NT5DC1: variants seen among roughly 807,000 people sequenced by gnomAD.
NT5DC1 encodes 5'-nucleotidase domain containing 1, also known as 5'-nucleotidase domain-containing protein 1.
Under a neutral mutation model 59.4 loss-of-function variants are expected in NT5DC1, and 42 were observed. The ratio of observed to expected loss-of-function variants is 0.71; its 90% CI spans 0.55 to 0.92. The LOEUF (loss-of-function observed/expected upper bound fraction) is 0.92. Ranked by LOEUF, NT5DC1 falls within the 40% of genes least tolerant of loss-of-function variation. The pLI, the probability that NT5DC1 is intolerant of heterozygous loss-of-function variation, is 0.00. For synonymous variants in NT5DC1, 172 were observed against 188.1 expected, an observed-to-expected ratio of 0.91 and a Z score of 0.70; for missense variants, 501 against 537.1, an observed-to-expected ratio of 0.93 and a Z score of 0.66.
intron 6 of NT5DC1, among the ~76,000 whole-genome samples, chr6:116,216,666 A>G (rs1471328818): frequency 6.6e-6 from 1 of 151,972 alleles, no homozygotes; most frequent in African/African-American, 2.4e-5. Context: ...AATATTAGAT[A>G]TAAACCATAT....
chr6:116,163,840 C>T (rs1285012391), intron 6 of NT5DC1, among the ~76,000 whole-genome samples: 5 of 152,082 alleles, frequency 3.3e-5, no homozygotes, highest in South Asian at 2.1e-4. Context: ...TTTTTTATTT[C>T]GGCCTCAATT....
intron 6 of NT5DC1, among the ~76,000 whole-genome samples, chr6:116,180,823 G>A (rs954226368): frequency 5.3e-5 from 8 of 152,020 alleles, no homozygotes; most frequent in South Asian, 2.1e-4. Flanking sequence ...TAGGTTAGAG[G>A]ACATTTAAGT....
intron 6 of NT5DC1, among the ~76,000 whole-genome samples, chr6:116,195,044 A>G (rs576983529): frequency 5.9e-5 from 9 of 152,172 alleles, no homozygotes; most frequent in Non-Finnish European, 1.3e-4. Context: ...CGCTCTCTCT[A>G]TATTCTGCTT....
At chr6:116,197,459 T>G (rs1168218018) in intron 6 of NT5DC1, among the ~76,000 whole-genome samples, 1 of 152,018 alleles carries the variant, frequency 6.6e-6, no homozygotes, top group Non-Finnish European at 1.5e-5. Context: ...CGGTCAAGAA[T>G]CAACATTCTT....
intron 6 of NT5DC1, among the ~76,000 whole-genome samples, chr6:116,202,514 G>A (rs943596325): frequency 6.6e-6 from 1 of 151,838 alleles, no homozygotes; most frequent in Non-Finnish European, 1.5e-5. Context: ...ATTGGCAATA[G>A]GTTTATTTCT....
At chr6:116,143,807 A>G (rs1475870573) in intron 6 of NT5DC1, among the ~76,000 whole-genome samples, 1 of 152,216 alleles carries the variant, frequency 6.6e-6, no homozygotes, top group African/African-American at 2.4e-5. Context: ...ATTATAATCA[A>G]ATCAAGAAAA....
intron 6 of NT5DC1, among the ~76,000 whole-genome samples, chr6:116,209,165 TC>T (rs1781522026): frequency 6.6e-6 from 1 of 152,038 alleles, no homozygotes; most frequent in African/African-American, 2.4e-5. Context: ...ATACTACATA[TC>T]AGGATTCAGC....
intron 6 of NT5DC1, among the ~76,000 whole-genome samples, chr6:116,184,455 A>T (rs145714688): frequency 6.6e-6 from 1 of 151,918 alleles, no homozygotes; most frequent in African/African-American, 2.4e-5. Flanking sequence ...AATAGTGTCA[A>T]TTGGATTGGT....
At chr6:116,206,948 T>C (rs1175989563) in intron 6 of NT5DC1, among the ~76,000 whole-genome samples, 2 of 152,004 alleles carry the variant, frequency 1.3e-5, no homozygotes, top group African/African-American at 4.8e-5. Context: ...TTTCTTCTTG[T>C]TTATTGAGTA....
chr6:116,224,561 G>A (rs1562172269), intron 8 of NT5DC1, among the ~76,000 whole-genome samples: 1 of 152,226 alleles, frequency 6.6e-6, no homozygotes, highest in Non-Finnish European at 1.5e-5. Flanking sequence ...CTTGCAAGGC[G>A]AGCCCTAAGG....
At chr6:116,163,141 A>ATATATATATATAT (rs1554197064) in intron 6 of NT5DC1, among the ~76,000 whole-genome samples, 1 of 88,398 alleles carries the variant, frequency 1.1e-5, no homozygotes, top group African/African-American at 5.8e-5. Context: ...AAAAAAAAAA[A>ATATATATATATAT]ATATATATAT....
intron 6 of NT5DC1, among the ~76,000 whole-genome samples, chr6:116,157,736 T>G (rs1780232147): frequency 1.3e-5 from 2 of 151,776 alleles, no homozygotes; most frequent in South Asian, 4.2e-4. Context: ...ATGGTGAGAG[T>G]GGGTGGAAAG....
At chr6:116,232,611 C>T (rs1455937029) in intron 8 of NT5DC1, among the ~76,000 whole-genome samples, 1 of 152,052 alleles carries the variant, frequency 6.6e-6, no homozygotes, top group Non-Finnish European at 1.5e-5. Flanking sequence ...GCAGCAGTCT[C>T]TGTGAGTTGA....
At chr6:116,150,883 C>T (rs1396323717) in intron 6 of NT5DC1, among the ~76,000 whole-genome samples, 2 of 151,968 alleles carry the variant, frequency 1.3e-5, no homozygotes, top group Non-Finnish European at 2.9e-5. Context: ...ATACATTGTT[C>T]ATATTTAACC....
chr6:116,222,196 T>G (rs1220109495), intron 7 of NT5DC1, among the ~76,000 whole-genome samples: 1 of 152,212 alleles, frequency 6.6e-6, no homozygotes, highest in African/African-American at 2.4e-5. Flanking sequence ...ATCTTTTGGG[T>G]GAATTAAGGC....
chr6:116,150,474 A>G (rs1582836521), intron 6 of NT5DC1, among the ~76,000 whole-genome samples: 1 of 152,022 alleles, frequency 6.6e-6, no homozygotes, highest in African/African-American at 2.4e-5. Flanking sequence ...TAATAGAGAC[A>G]GGGTTTTACC....
chr6:116,178,070 TGTGTGTGTGTGTGTGTGTGC>T (rs1022510107), intron 6 of NT5DC1, among the ~76,000 whole-genome samples: 15 of 110,640 alleles, frequency 1.4e-4, no homozygotes, highest in Non-Finnish European at 1.9e-4. Flanking sequence ...TGTGTGTGTG[TGTGTGTGTGTGTGTGTGTGC>T]GCGCGCGCGC....
At chr6:116,145,813 T>C (rs1779884654) in intron 6 of NT5DC1, among the ~76,000 whole-genome samples, 1 of 152,234 alleles carries the variant, frequency 6.6e-6, no homozygotes, top group Non-Finnish European at 1.5e-5. Flanking sequence ...TTAGCAGTAA[T>C]ATAGCTCAAA....
At chr6:116,154,799 A>G (rs1010797111) in intron 6 of NT5DC1, among the ~76,000 whole-genome samples, 1 of 152,244 alleles carries the variant, frequency 6.6e-6, no homozygotes, top group African/African-American at 2.4e-5. Flanking sequence ...CCTCAGGATT[A>G]ATAACTCTTA....
Sources: gnomAD v4.1 joint callset for allele counts (sites outside exome capture counted in the v4.1 genomes callset) on GRCh38, gnomAD v4.1.1 for gene constraint, MANE v1.5 for transcripts, NCBI Gene and HGNC (gene_info 2026-07-23, HGNC 2026-07-21) for gene names.